The following BCKDHB variants were observed in gnomAD, a reference collection of about 807,000 sequenced individuals.
The protein encoded by BCKDHB is branched chain keto acid dehydrogenase E1 subunit beta.
A neutral mutation model predicts 48.5 loss-of-function variants in BCKDHB; 41 were observed. That is an observed-to-expected ratio of 0.85 (90% CI 0.66 to 1.10). The LOEUF (loss-of-function observed/expected upper bound fraction) is 1.10, where lower values mean the gene tolerates loss of function less well. Among genes scored for constraint, BCKDHB ranks in the 50% least tolerant of loss-of-function variants. The pLI is 0.00. For synonymous variants in BCKDHB, 201 were observed against 174.8 expected (o/e 1.15, Z -1.18); for missense variants, 496 against 494.2 (o/e 1.00, Z -0.03).
the BCKDHB span, among the ~76,000 whole-genome samples, chr6:80,386,848 A>G: frequency 1.3e-5 from 2 of 152,166 alleles, no homozygotes; most frequent in Non-Finnish European, 2.9e-5. Flanking sequence ...AAAACAGAGA[A>G]TCACAGCCCC....
intron 9 of BCKDHB, among the ~76,000 whole-genome samples, chr6:80,279,114 A>T (rs1485742739): frequency 6.6e-6 from 1 of 151,854 alleles, no homozygotes; most frequent in Non-Finnish European, 1.5e-5. Context: ...GGACCTTTTA[A>T]ACTGTCTCCT....
the BCKDHB span, among the ~76,000 whole-genome samples, chr6:80,406,652 T>C: frequency 2.0e-5 from 3 of 152,250 alleles, no homozygotes; most frequent in Non-Finnish European, 4.4e-5. Context: ...CATAAATGTC[T>C]TCTTTTGAGA....
At chr6:80,107,512 CGCAT>C (rs1475560935) in intron 1 of BCKDHB, among the ~76,000 whole-genome samples, 2 of 28,796 alleles carry the variant, frequency 6.9e-5, no homozygotes, top group African/African-American at 3.2e-4. Context: ...TATATATGTG[CGCAT>C]ATATATATAT....
chr6:80,119,232 A>C (rs1225416390), intron 1 of BCKDHB, among the ~76,000 whole-genome samples: 1 of 152,164 alleles, frequency 6.6e-6, no homozygotes, highest in Admixed American at 6.5e-5. Flanking sequence ...TGCAAAAAAA[A>C]TAAAATGAAC....
At chr6:80,269,937 T>G (rs1477593486) in intron 8 of BCKDHB, among the ~76,000 whole-genome samples, 1 of 152,084 alleles carries the variant, frequency 6.6e-6, no homozygotes, top group Non-Finnish European at 1.5e-5. Flanking sequence ...CCTAGATATG[T>G]GAACATTAAA....
intron 1 of BCKDHB, among the ~76,000 whole-genome samples, chr6:80,109,628 G>T (rs1379885271): frequency 6.6e-6 from 1 of 152,074 alleles, no homozygotes; most frequent in Admixed American, 6.5e-5. Context: ...TTTCATTTCT[G>T]TTGAGGAATA....
intron 8 of BCKDHB, among the ~76,000 whole-genome samples, chr6:80,204,041 C>A (rs1031666420): frequency 6.6e-6 from 1 of 152,024 alleles, no homozygotes; most frequent in African/African-American, 2.4e-5. Context: ...TGTACAATTA[C>A]ATGTAAAATT....
chr6:80,313,705 C>A (rs1768287810), intron 9 of BCKDHB, among the ~76,000 whole-genome samples: 1 of 152,158 alleles, frequency 6.6e-6, no homozygotes, highest in African/African-American at 2.4e-5. Context: ...TTCAAAAAAC[C>A]AGATCCTAGA....
At chr6:80,340,617 T>C (rs1769838297) in intron 9 of BCKDHB, among the ~76,000 whole-genome samples, 1 of 152,242 alleles carries the variant, frequency 6.6e-6, no homozygotes, top group Non-Finnish European at 1.5e-5. Context: ...CAAATATGGT[T>C]TTTAAGTTAT....
At chr6:80,271,654 C>A (rs186375474) in intron 8 of BCKDHB, among the ~76,000 whole-genome samples, 1 of 151,976 alleles carries the variant, frequency 6.6e-6, no homozygotes, top group African/African-American at 2.4e-5. Context: ...TAAGATGCAC[C>A]AGATAGCTTG....
chr6:80,288,274 G>A (rs531100726), intron 9 of BCKDHB, among the ~76,000 whole-genome samples: 67 of 152,118 alleles, frequency 4.4e-4, no homozygotes, highest in African/African-American at 1.5e-3. Context: ...AATTGCTAAA[G>A]GGGCAAATTA....
intron 8 of BCKDHB, among the ~76,000 whole-genome samples, chr6:80,215,596 A>T (rs1235085546): frequency 6.6e-6 from 1 of 152,240 alleles, no homozygotes; most frequent in East Asian, 1.9e-4. Flanking sequence ...AGTGAAAGAA[A>T]TTAAAGAACT....
intron 6 of BCKDHB, among the ~76,000 whole-genome samples, chr6:80,172,892 AT>A (rs2127781033): frequency 6.6e-6 from 1 of 152,260 alleles, no homozygotes; most frequent in East Asian, 1.9e-4. Flanking sequence ...TCTGTATCCC[AT>A]TATGTAATAA....
At chr6:80,331,297 C>T (rs72906174) in intron 9 of BCKDHB, among the ~76,000 whole-genome samples, 1,762 of 152,170 alleles carry the variant, frequency 0.012, 15 homozygotes, top group Non-Finnish European at 0.019. Context: ...GTTTGTTTTG[C>T]ACTTTTACCT....
At chr6:80,284,872 T>C (rs538013532) in intron 9 of BCKDHB, among the ~76,000 whole-genome samples, 6 of 152,228 alleles carry the variant, frequency 3.9e-5, no homozygotes, top group African/African-American at 1.2e-4. Context: ...AATTCTGGGC[T>C]TCAAAAAGCA....
At chr6:80,430,609 A>C in the BCKDHB span, among the ~76,000 whole-genome samples, 2 of 152,046 alleles carry the variant, frequency 1.3e-5, no homozygotes, top group East Asian at 3.9e-4. Flanking sequence ...ATTTGTGTAG[A>C]GGTGTTTATT....
intron 6 of BCKDHB, among the ~76,000 whole-genome samples, chr6:80,197,479 T>TG (rs924826567): frequency 2.6e-5 from 4 of 152,172 alleles, no homozygotes; most frequent in African/African-American, 9.6e-5. Flanking sequence ...CCTTATTATT[T>TG]GGGGTAATTT....
chr6:80,283,607 A>T (rs1766481236), intron 9 of BCKDHB, among the ~76,000 whole-genome samples: 1 of 152,102 alleles, frequency 6.6e-6, no homozygotes, highest in South Asian at 2.1e-4. Context: ...GCATTACTTT[A>T]TTTAAAAAGT....
intron 9 of BCKDHB, among the ~76,000 whole-genome samples, chr6:80,283,300 T>A (rs1766454497): frequency 6.6e-6 from 1 of 152,150 alleles, no homozygotes; most frequent in Admixed American, 6.5e-5. Flanking sequence ...ATTGAATTTA[T>A]CATGAATTGT....
Sources: gnomAD v4.1 joint callset for allele counts (sites outside exome capture counted in the v4.1 genomes callset) on GRCh38, gnomAD v4.1.1 for gene constraint, MANE v1.5 for transcripts, NCBI Gene and HGNC (gene_info 2026-07-23, HGNC 2026-07-21) for gene names.